MUSK: variants seen among roughly 807,000 people sequenced by gnomAD.
The protein encoded by MUSK is muscle, skeletal receptor tyrosine-protein kinase.
Under a neutral mutation model 88.7 loss-of-function variants are expected in MUSK, and 55 were observed. That is an observed-to-expected ratio of 0.62 (90% CI 0.50 to 0.78). The LOEUF (loss-of-function observed/expected upper bound fraction) is 0.78, where lower values mean the gene tolerates loss of function less well. Ranked by LOEUF, MUSK falls within the 30% of genes least tolerant of loss-of-function variation. The probability of loss-of-function intolerance (pLI) is 0.00; values close to 1 mark genes in which losing one functional copy is unlikely to be tolerated. For missense variants in MUSK, 1,015 were observed against 1,074.3 expected, an observed-to-expected ratio of 0.94 and a Z score of 0.77; for synonymous variants, 387 against 391.9, an observed-to-expected ratio of 0.99 and a Z score of 0.15.
intron 9 of MUSK, among the ~76,000 whole-genome samples, chr9:110,770,488 A>G (rs1399892889): frequency 2.7e-5 from 4 of 146,896 alleles, no homozygotes; most frequent in Non-Finnish European, 6.0e-5. Context: ...TTATAATTAT[A>G]GTTTATAATA....
chr9:110,734,704 G>C (rs1205079305), intron 6 of MUSK, among the ~76,000 whole-genome samples: 1 of 152,024 alleles, frequency 6.6e-6, no homozygotes, highest in African/African-American at 2.4e-5. Flanking sequence ...CCCTGCTAGA[G>C]GCTACTTTGA....
At chr9:110,770,854 A>T (rs1295377716) in intron 9 of MUSK, among the ~76,000 whole-genome samples, 3 of 152,028 alleles carry the variant, frequency 2.0e-5, no homozygotes, top group African/African-American at 7.2e-5. Context: ...AATGTCCATA[A>T]AACATAGAGA....
At chr9:110,676,799 T>C (rs2076036681) in intron 1 of MUSK, among the ~76,000 whole-genome samples, 2 of 152,204 alleles carry the variant, frequency 1.3e-5, no homozygotes, top group Admixed American at 6.5e-5. Context: ...CAGTCTATCA[T>C]TGATGGTCAC....
intron 8 of MUSK, among the ~76,000 whole-genome samples, chr9:110,762,991 GGTAA>G (rs1440609995): frequency 3.3e-5 from 5 of 152,100 alleles, no homozygotes; most frequent in South Asian, 4.2e-4. Context: ...ATCAGAAAAT[GGTAA>G]GTATGTGAGG....
At chr9:110,790,960 G>C (rs889435189) in intron 14 of MUSK, among the ~76,000 whole-genome samples, 1 of 152,122 alleles carries the variant, frequency 6.6e-6, no homozygotes, top group East Asian at 1.9e-4. Context: ...GTCAAATTGA[G>C]GCAAATAAGA....
intron 9 of MUSK, among the ~76,000 whole-genome samples, chr9:110,770,208 T>C (rs1370792109): frequency 6.7e-6 from 1 of 150,218 alleles, no homozygotes; most frequent in East Asian, 1.9e-4. Context: ...GTTTACTCAT[T>C]ATATAATTAT....
rs550468063 is a variant in MUSK at position 110,802,296 on chromosome 9, A to G, written c.*1308A>G. Among the ~76,000 whole-genome samples, 10 of 152,286 alleles carry G rather than the reference A, an allele frequency of 6.6e-5. 3 individuals carry two copies. Among genetic ancestry groups the G allele is most frequent in the African/African-American group, 2.4e-4 (10 of 41,566 alleles). ...ATTTTTTCTCAGTGGATCCTCACAC[A>G]ATACATCTTTATCTAAGTCCATACA... On this transcript the variant is annotated 3_prime_UTR_variant, in exon 15 of 15. Coordinates refer to ENST00000374448, the MANE Select transcript of MUSK (RefSeq NM_005592.4).
rs761707078 is a variant in MUSK at position 110,747,810 on chromosome 9, C to G, written c.913+10C>G. On this transcript the variant is annotated intron_variant, in intron 7 of 14. Transcript: ENST00000374448. ...ACCATCAGCATAGCAGGTAGGATGC[C>G]CCTTCACATTTGCGTTGTTCCAGGA... The G allele has an allele frequency of 8.4e-5, 136 of 1,613,128 alleles. No homozygotes were observed. Among genetic ancestry groups the G allele is most frequent in the Non-Finnish European group, 1.1e-4 (132 of 1,179,396 alleles).
intron 5 of MUSK, among the ~76,000 whole-genome samples, chr9:110,729,326 TAAAAAAA>T (rs34882321): frequency 2.5e-4 from 24 of 97,422 alleles, no homozygotes; most frequent in South Asian, 2.0e-3. Flanking sequence ...CTGTTTTCTG[TAAAAAAA>T]AAAAAAAAAA....
chr9:110,750,562 T>G (rs1025619282), intron 7 of MUSK, among the ~76,000 whole-genome samples: 11 of 152,204 alleles, frequency 7.2e-5, no homozygotes, highest in Non-Finnish European at 1.5e-4. Flanking sequence ...TAGGTCTCCC[T>G]GTCTGTCCCT....
At chr9:110,747,940 G>T in intron 7 of MUSK, 140 bp downstream of exon 7, 1 of 1,162,698 alleles carries the variant, frequency 8.6e-7, no homozygotes, top group Non-Finnish European at 1.3e-6. Flanking sequence ...TCCCCCATGG[G>T]GATACTCCGG....
chr9:110,679,010 G>C (rs775295761), intron 1 of MUSK, among the ~76,000 whole-genome samples: 1 of 151,514 alleles, frequency 6.6e-6, no homozygotes, highest in Non-Finnish European at 1.5e-5. Flanking sequence ...TATGTAGCTT[G>C]GTATATTTTC....
chr9:110,742,668 C>A (rs1201046263), intron 6 of MUSK, among the ~76,000 whole-genome samples: 1 of 152,106 alleles, frequency 6.6e-6, no homozygotes, highest in Non-Finnish European at 1.5e-5. Context: ...ATAGTTGAGG[C>A]CTTATTGAGA....
At chr9:110,789,166 G>C (rs887652235) in intron 14 of MUSK, among the ~76,000 whole-genome samples, 1 of 152,206 alleles carries the variant, frequency 6.6e-6, no homozygotes, top group African/African-American at 2.4e-5. Flanking sequence ...GCTTTCTTGA[G>C]CATTGCATGA....
chr9:110,761,445 C>T (rs2077397147), intron 7 of MUSK, among the ~76,000 whole-genome samples: 1 of 151,850 alleles, frequency 6.6e-6, no homozygotes, highest in Non-Finnish European at 1.5e-5. Context: ...TGAGAACAAC[C>T]ATTGCCTACT....
chr9:110,776,973 A>G (rs150617268), intron 11 of MUSK, among the ~76,000 whole-genome samples: 20 of 152,282 alleles, frequency 1.3e-4, no homozygotes, highest in African/African-American at 4.8e-4. Flanking sequence ...TTGATTTTAT[A>G]TTCTTGATTC....
intron 2 of MUSK, among the ~76,000 whole-genome samples, chr9:110,685,638 A>T (rs745793655): frequency 3.3e-5 from 5 of 152,086 alleles, no homozygotes; most frequent in Non-Finnish European, 7.4e-5. Context: ...TTCTTTTCCC[A>T]GTAGCATGCT....
chr9:110,727,824 A>G (rs2076907764), intron 5 of MUSK: 1 of 152,118 alleles, frequency 6.6e-6, no homozygotes, highest in African/African-American at 2.4e-5. Flanking sequence ...TAGCAATAGC[A>G]TGGCCATTTT....
At chr9:110,797,345 G>C (rs2078025098) in intron 14 of MUSK, among the ~76,000 whole-genome samples, 2 of 151,972 alleles carry the variant, frequency 1.3e-5, no homozygotes, top group African/African-American at 2.4e-5. Flanking sequence ...GGCAGTCGAG[G>C]CAGTGAACTA....
Sources: allele counts gnomAD v4.1 joint callset (sites outside exome capture counted in the v4.1 genomes callset), GRCh38; gene constraint gnomAD v4.1.1; transcripts MANE v1.5; gene names NCBI Gene and HGNC (gene_info 2026-07-23, HGNC 2026-07-21).